The following C1orf21 variants were observed in gnomAD, a reference collection of about 807,000 sequenced individuals.
C1orf21 encodes the protein chromosome 1 open reading frame 21, also known as uncharacterized protein C1orf21.
C1orf21 carries 3 observed loss-of-function variants against 18.7 expected under a neutral mutation model. That is an observed-to-expected ratio of 0.16 (90% confidence interval 0.07 to 0.42). The LOEUF (loss-of-function observed/expected upper bound fraction) is 0.42, where lower values mean the gene tolerates loss of function less well. C1orf21 is among the 10% of genes least tolerant of loss of function. The probability of loss-of-function intolerance (pLI) is 0.99; values close to 1 mark genes in which losing one functional copy is unlikely to be tolerated. For synonymous variants in C1orf21, 41 were observed against 46.4 expected (o/e 0.88, Z 0.47); for missense variants, 104 against 143.6 (o/e 0.72, Z 1.41).
intron 3 of C1orf21, among the ~76,000 whole-genome samples, chr1:184,580,180 A>G (rs1185316476): frequency 6.6e-6 from 1 of 152,128 alleles, no homozygotes; most frequent in African/African-American, 2.4e-5. Flanking sequence ...CTTTTGCTTT[A>G]TGTAGACCAC....
At chr1:184,490,321 A>G (rs1263244649) in intron 2 of C1orf21, among the ~76,000 whole-genome samples, 2 of 152,274 alleles carry the variant, frequency 1.3e-5, no homozygotes, top group African/African-American at 4.8e-5. Flanking sequence ...AAATGTCAGT[A>G]CCATAGGGTG....
At chr1:184,408,694 C>T (rs1482116810) in intron 1 of C1orf21, among the ~76,000 whole-genome samples, 1 of 152,116 alleles carries the variant, frequency 6.6e-6, no homozygotes, top group Non-Finnish European at 1.5e-5. Context: ...TGTGTTGAGT[C>T]TTTGTGAGGA....
chr1:184,572,381 G>A (rs1569844), intron 3 of C1orf21, among the ~76,000 whole-genome samples: 88,164 of 152,054 alleles, frequency 0.58, 27,771 homozygotes, highest in African/African-American at 0.84. Context: ...ATAGGTAAAT[G>A]GACCAGTATA....
At chr1:184,486,602 G>A (rs1345182226) in intron 2 of C1orf21, among the ~76,000 whole-genome samples, 1 of 152,124 alleles carries the variant, frequency 6.6e-6, no homozygotes, top group Non-Finnish European at 1.5e-5. Context: ...CCGCCTTGAT[G>A]CCAAGTTTGG....
intron 5 of C1orf21, among the ~76,000 whole-genome samples, chr1:184,602,762 G>A (rs1659601666): frequency 6.6e-6 from 1 of 152,258 alleles, no homozygotes; most frequent in East Asian, 1.9e-4. Context: ...GTAAAAAGCA[G>A]AAAAAATAAA....
intron 1 of C1orf21, among the ~76,000 whole-genome samples, chr1:184,470,177 A>G (rs781593850): frequency 1.3e-5 from 2 of 152,074 alleles, no homozygotes; most frequent in Non-Finnish European, 2.9e-5. Context: ...TGCTTGGGTT[A>G]GGTCAGCAAA....
At chr1:184,505,231 G>C (rs962234658) in intron 2 of C1orf21, among the ~76,000 whole-genome samples, 1 of 147,604 alleles carries the variant, frequency 6.8e-6, no homozygotes, top group Non-Finnish European at 1.5e-5. Context: ...AGAAGGTTCT[G>C]CTTAGGTCCA....
At chr1:184,522,494 T>C (rs1658319095) in intron 3 of C1orf21, among the ~76,000 whole-genome samples, 1 of 151,998 alleles carries the variant, frequency 6.6e-6, no homozygotes, top group Admixed American at 6.5e-5. Context: ...CTGGTGCGTC[T>C]TGTAGTGTCA....
rs1175687636 is a variant in C1orf21 at position 184,410,650 on chromosome 1, TATATATATA to T, written c.-125+23283_-125+23291del. 3.8e-3 allele frequency among the ~76,000 whole-genome samples: 25 copies of T among 6,666 alleles called. 6 individuals are homozygous for T. Among genetic ancestry groups the T allele is most frequent in the African/African-American group, 5.7e-3 (2 of 350 alleles). 4.4% of individuals were successfully genotyped at this position (6,666 alleles called of 152,430 possible). A position where few individuals can be genotyped will look rare whatever the true frequency, so the allele number is the denominator to read the frequency against. On this transcript the variant is annotated intron_variant, in intron 1 of 5. Coordinates refer to ENST00000235307, the MANE Select transcript of C1orf21 (RefSeq NM_030806.4). Reference sequence around the variant, plus strand: ...ATATATATATATATATATATATATATATATATATATATATTTTTTTTTTTTTTTTTTGAG... The same window carrying T: ...ATATATATATATATATATATATATATTATATTTTTTTTTTTTTTTTTTGAG...
At chr1:184,573,692 G>T (rs911680534) in intron 3 of C1orf21, among the ~76,000 whole-genome samples, 3 of 152,090 alleles carry the variant, frequency 2.0e-5, no homozygotes, top group African/African-American at 7.2e-5. Context: ...AATATGATAA[G>T]TGGTGAATAA....
chr1:184,542,732 G>T (rs1056844623), intron 3 of C1orf21: 2 of 152,132 alleles, frequency 1.3e-5, no homozygotes, highest in Admixed American at 6.5e-5. Flanking sequence ...GCTATGTGTG[G>T]AGCATGTGCC....
At chr1:184,543,096 A>C (rs1009605571) in intron 3 of C1orf21, among the ~76,000 whole-genome samples, 2 of 152,174 alleles carry the variant, frequency 1.3e-5, no homozygotes, top group Non-Finnish European at 2.9e-5. Context: ...AACGCCTGTA[A>C]TCCTGGCACT....
intron 2 of C1orf21, among the ~76,000 whole-genome samples, chr1:184,490,842 T>C (rs1657806226): frequency 6.6e-6 from 1 of 152,162 alleles, no homozygotes; most frequent in African/African-American, 2.4e-5. Context: ...AATGATTATC[T>C]CTGGGTGGTG....
intron 1 of C1orf21, among the ~76,000 whole-genome samples, chr1:184,472,842 G>A (rs544003967): frequency 3.3e-5 from 5 of 152,284 alleles, no homozygotes; most frequent in African/African-American, 1.2e-4. Context: ...AAGTATTCTG[G>A]AACAGTAGTT....
intron 1 of C1orf21, among the ~76,000 whole-genome samples, chr1:184,476,794 CCTTT>C (rs907607648): frequency 9.2e-5 from 14 of 152,180 alleles, no homozygotes; most frequent in African/African-American, 2.7e-4. Flanking sequence ...CCATCTCCTT[CCTTT>C]GTCTCCAAAA....
rs59964534 is a variant in C1orf21, at chr1:184,586,285, C to CTTTT, written c.190-4440_190-4437dup. ...AGTGTTTGTTCATGTCTTTTGTCCA[C>CTTTT]TTTTTTTTTTTTTTTTTGAGACGGA... On this transcript the variant is annotated intron_variant, in intron 3 of 5. Coordinates refer to ENST00000235307, the MANE Select transcript of C1orf21 (RefSeq NM_030806.4). 1.3e-3 allele frequency among the ~76,000 whole-genome samples: 167 copies of CTTTT among 128,454 alleles called. 3 individuals are homozygous for CTTTT. The highest frequency in any genetic ancestry group is 4.7e-3 in the East Asian group (21 of 4,432). The allele number at this position is 128,454 out of a possible 152,430, so 84.3% of individuals were successfully genotyped here.
intron 5 of C1orf21, among the ~76,000 whole-genome samples, chr1:184,608,336 A>T (rs1001034676): frequency 3.3e-5 from 5 of 152,250 alleles, no homozygotes; most frequent in Admixed American, 1.3e-4. Flanking sequence ...CACAGTGGTC[A>T]CTGGCTTTGC....
chr1:184,526,608 A>G (rs535488651), intron 3 of C1orf21, among the ~76,000 whole-genome samples: 3 of 152,292 alleles, frequency 2.0e-5, no homozygotes, highest in Admixed American at 6.5e-5. Context: ...TTTATGGCCA[A>G]CTAACTCCAA....
intron 3 of C1orf21, among the ~76,000 whole-genome samples, chr1:184,555,068 C>T (rs533962400): frequency 1.6e-4 from 25 of 152,296 alleles, no homozygotes; most frequent in South Asian, 8.3e-4. Context: ...GCTCATTTCC[C>T]ATTTCCCTTT....
Sources: gnomAD v4.1 joint callset for allele counts (sites outside exome capture counted in the v4.1 genomes callset) on GRCh38, gnomAD v4.1.1 for gene constraint, MANE v1.5 for transcripts, NCBI Gene and HGNC (gene_info 2026-07-23, HGNC 2026-07-21) for gene names.